The following LGSN variants were observed in gnomAD, a reference collection of about 807,000 sequenced individuals.
The protein encoded by LGSN is lengsin.
In LGSN, 21 loss-of-function variants were observed where a neutral mutation model predicts 19.5. The ratio of observed to expected loss-of-function variants is 1.07; its 90% confidence interval spans 0.76 to 1.55. LGSN has a LOEUF of 1.55. LGSN is among the 40% of genes most tolerant of loss of function. The pLI is 0.00. For missense variants in LGSN, 673 were observed against 608.5 expected (o/e 1.11, Z -1.12); for synonymous variants, 257 against 215.6 (o/e 1.19, Z -1.68).
At chr6:63,412,477 GAA>G in the LGSN span, among the ~76,000 whole-genome samples, 16 of 96,750 alleles carry the variant, frequency 1.7e-4, no homozygotes, top group South Asian at 1.3e-3. Flanking sequence ...AGAGAGAGAA[GAA>G]AGAGAAGAAA....
the LGSN span, among the ~76,000 whole-genome samples, chr6:63,412,801 AGAAG>A: frequency 2.0e-5 from 3 of 148,134 alleles, no homozygotes; most frequent in African/African-American, 2.5e-5. Context: ...AAGAAAGGAA[AGAAG>A]GAAGGAAGGA....
the LGSN span, among the ~76,000 whole-genome samples, chr6:63,460,355 C>T: frequency 6.6e-6 from 1 of 152,118 alleles, no homozygotes; most frequent in South Asian, 2.1e-4. Flanking sequence ...AAACACACCA[C>T]AGTTTTCTGA....
chr6:63,303,267 G>A (rs554402440), intron 1 of LGSN, among the ~76,000 whole-genome samples: 1 of 152,230 alleles, frequency 6.6e-6, no homozygotes, highest in South Asian at 2.1e-4. Context: ...CATTTGTAAT[G>A]CATGTTTTCT....
At chr6:63,423,600 G>A in the LGSN span, among the ~76,000 whole-genome samples, 3 of 151,766 alleles carry the variant, frequency 2.0e-5, no homozygotes, top group African/African-American at 7.3e-5. Flanking sequence ...CTCCATTCTG[G>A]GTGACAAAGC....
the LGSN span, among the ~76,000 whole-genome samples, chr6:63,567,292 C>A: frequency 6.6e-6 from 1 of 152,158 alleles, no homozygotes; most frequent in African/African-American, 2.4e-5. Flanking sequence ...CAATTTATAA[C>A]CTTATGAAAT....
intron 1 of LGSN, among the ~76,000 whole-genome samples, chr6:63,312,345 G>A (rs1241029863): frequency 2.0e-5 from 3 of 152,100 alleles, no homozygotes; most frequent in Admixed American, 6.6e-5. Context: ...ATATATAGTA[G>A]CTCTATTTTT....
intron 1 of LGSN, among the ~76,000 whole-genome samples, chr6:63,314,161 G>A (rs889878678): frequency 3.3e-5 from 5 of 152,234 alleles, no homozygotes; most frequent in East Asian, 1.9e-4. Context: ...CACCTAATGC[G>A]ATGATGTTAG....
chr6:63,360,648 C>T, the LGSN span, among the ~76,000 whole-genome samples: 6 of 152,220 alleles, frequency 3.9e-5, no homozygotes, highest in African/African-American at 1.4e-4. Context: ...GCCTTCTTCT[C>T]TCAACTCATC....
At chr6:63,371,196 G>A in the LGSN span, among the ~76,000 whole-genome samples, 1 of 152,142 alleles carries the variant, frequency 6.6e-6, no homozygotes, top group East Asian at 1.9e-4. Context: ...AATCTAAGTA[G>A]TTAAAAAACA....
the LGSN span, among the ~76,000 whole-genome samples, chr6:63,416,522 T>C: frequency 2.0e-5 from 3 of 151,912 alleles, no homozygotes; most frequent in African/African-American, 7.3e-5. Context: ...ATAAATAGAG[T>C]GGTTTATGTA....
the LGSN span, among the ~76,000 whole-genome samples, chr6:63,409,104 A>T: frequency 6.6e-6 from 1 of 152,076 alleles, no homozygotes; most frequent in Admixed American, 6.6e-5. Context: ...TAGAGACAGG[A>T]TCATGCTGTG....
At chr6:63,497,278 G>C in the LGSN span, among the ~76,000 whole-genome samples, 3 of 152,232 alleles carry the variant, frequency 2.0e-5, no homozygotes, top group African/African-American at 7.2e-5. Flanking sequence ...GCTGAGTGCA[G>C]TAGCTCACTC....
At chr6:63,510,654 A>G in the LGSN span, among the ~76,000 whole-genome samples, 1 of 143,074 alleles carries the variant, frequency 7.0e-6, no homozygotes, top group South Asian at 2.2e-4. Context: ...TTCCTTCAAG[A>G]AGCGAATTTT....
the LGSN span, among the ~76,000 whole-genome samples, chr6:63,550,641 T>C: frequency 1.3e-5 from 2 of 152,150 alleles, no homozygotes; most frequent in Admixed American, 6.6e-5. Context: ...GGTTTTTGAA[T>C]TGAGACAGGG....
the LGSN span, among the ~76,000 whole-genome samples, chr6:63,327,552 A>C: frequency 5.3e-5 from 8 of 152,136 alleles, no homozygotes; most frequent in African/African-American, 1.9e-4. Flanking sequence ...AGTATTGGAG[A>C]GTCGCTGCTG....
chr6:63,391,206 T>G, the LGSN span, among the ~76,000 whole-genome samples: 1 of 152,248 alleles, frequency 6.6e-6, no homozygotes, highest in African/African-American at 2.4e-5. Context: ...AATGTATAAA[T>G]GTCCTTAGCA....
chr6:63,315,665 C>T (rs1768819566), intron 1 of LGSN, among the ~76,000 whole-genome samples: 1 of 150,856 alleles, frequency 6.6e-6, no homozygotes, highest in African/African-American at 2.4e-5. Context: ...TATGCATGCT[C>T]TCACTCTCTA....
chr6:63,353,601 A>AG, the LGSN span, among the ~76,000 whole-genome samples: 1 of 149,530 alleles, frequency 6.7e-6, no homozygotes, highest in Non-Finnish European at 1.5e-5. Context: ...AAAAAAAAAA[A>AG]AAAAAAGAAA....
At chr6:63,289,551 AAT>A (rs1033360088) in intron 2 of LGSN, among the ~76,000 whole-genome samples, 56 of 152,264 alleles carry the variant, frequency 3.7e-4, no homozygotes, top group African/African-American at 1.3e-3. Flanking sequence ...TCAGAGGATT[AAT>A]AAATTAAATC....
Sources: gnomAD v4.1 joint callset for allele counts (sites outside exome capture counted in the v4.1 genomes callset) on GRCh38, gnomAD v4.1.1 for gene constraint, MANE v1.5 for transcripts, NCBI Gene and HGNC (gene_info 2026-07-23, HGNC 2026-07-21) for gene names.